The following CSMD3 variants were observed in gnomAD, a reference collection of about 807,000 sequenced individuals.
The protein encoded by CSMD3 is CUB and sushi domain-containing protein 3.
Under a neutral mutation model 435.2 loss-of-function variants are expected in CSMD3, and 177 were observed. The observed-to-expected ratio is 0.41, with a 90% CI of 0.36 to 0.46. The LOEUF (loss-of-function observed/expected upper bound fraction) is 0.46, where lower values mean the gene tolerates loss of function less well. CSMD3 is among the 20% of genes least tolerant of loss of function. The pLI is 0.34. For synonymous variants in CSMD3, 1,656 were observed against 1,520.5 expected (o/e 1.09, Z -2.07); for missense variants, 4,265 against 4,504.6 (o/e 0.95, Z 1.52).
At chr8:113,072,282 C>CT (rs1206548448) in intron 5 of CSMD3, among the ~76,000 whole-genome samples, 24 of 151,310 alleles carry the variant, frequency 1.6e-4, no homozygotes, top group Non-Finnish European at 2.5e-4. Context: ...TAGATGTTTT[C>CT]TTTTTTTTCC....
chr8:112,406,423 A>G, intron 35 of CSMD3, 101 bp downstream of exon 35: 1 of 612,478 alleles, frequency 1.6e-6, no homozygotes, highest in Non-Finnish European at 2.8e-6. Flanking sequence ...TTTAAAATTA[A>G]GTACATAATT....
intron 13 of CSMD3, among the ~76,000 whole-genome samples, chr8:112,696,377 A>C (rs1273412076): frequency 1.3e-5 from 2 of 152,188 alleles, no homozygotes; most frequent in East Asian, 3.9e-4. Context: ...CAAAACAGAC[A>C]CATAGACCAA....
intron 13 of CSMD3, among the ~76,000 whole-genome samples, chr8:112,723,358 C>T (rs1242488940): frequency 6.6e-6 from 1 of 152,134 alleles, no homozygotes; most frequent in Non-Finnish European, 1.5e-5. Context: ...CAGAACATTT[C>T]TCACAAGCAT....
intron 10 of CSMD3, among the ~76,000 whole-genome samples, chr8:112,907,651 G>A (rs2130502492): frequency 1.3e-5 from 2 of 151,338 alleles, no homozygotes; most frequent in South Asian, 4.2e-4. Flanking sequence ...ATGTTGGGAG[G>A]AAATATTAAC....
intron 22 of CSMD3, among the ~76,000 whole-genome samples, chr8:112,623,180 C>T (rs1834213306): frequency 6.6e-6 from 1 of 152,120 alleles, no homozygotes; most frequent in Non-Finnish European, 1.5e-5. Flanking sequence ...TCCACATTGA[C>T]TATACCTACA....
intron 4 of CSMD3, among the ~76,000 whole-genome samples, chr8:113,129,177 T>G (rs1317269649): frequency 6.6e-6 from 1 of 152,168 alleles, no homozygotes; most frequent in African/African-American, 2.4e-5. Context: ...GTTTCCCTTT[T>G]CATATTGTGA....
intron 2 of CSMD3, among the ~76,000 whole-genome samples, chr8:113,299,681 T>C (rs936488204): frequency 1.6e-4 from 25 of 151,602 alleles, no homozygotes; most frequent in Non-Finnish European, 8.8e-5. Context: ...CTTACACCAG[T>C]CAGAATTGCC....
chr8:112,312,073 C>G (rs548236291), intron 49 of CSMD3, among the ~76,000 whole-genome samples: 2 of 152,194 alleles, frequency 1.3e-5, no homozygotes, highest in South Asian at 4.1e-4. Context: ...CTAATACTTA[C>G]AATTGTTTAA....
At chr8:112,276,380 T>C (rs1273947302) in intron 59 of CSMD3, among the ~76,000 whole-genome samples, 1 of 152,100 alleles carries the variant, frequency 6.6e-6, no homozygotes, top group African/African-American at 2.4e-5. Context: ...CTTTCTGGAG[T>C]ATGAAGGACA....
At chr8:112,812,561 T>C (rs2079256256) in intron 12 of CSMD3, among the ~76,000 whole-genome samples, 1 of 152,190 alleles carries the variant, frequency 6.6e-6, no homozygotes, top group Non-Finnish European at 1.5e-5. Context: ...TTTAATAAAC[T>C]CACTTCTGCT....
At chr8:112,570,924 C>T (rs1436787184) in intron 24 of CSMD3, among the ~76,000 whole-genome samples, 3 of 152,136 alleles carry the variant, frequency 2.0e-5, no homozygotes, top group Non-Finnish European at 4.4e-5. Context: ...AGAATGACAG[C>T]TTTATACTCT....
At chr8:113,335,077 A>G (rs1196312972) in intron 1 of CSMD3, among the ~76,000 whole-genome samples, 1 of 152,048 alleles carries the variant, frequency 6.6e-6, no homozygotes, top group African/African-American at 2.4e-5. Flanking sequence ...AGCGATAGTG[A>G]GTGAATTCTC....
chr8:113,046,204 C>G (rs1320198040), intron 5 of CSMD3, among the ~76,000 whole-genome samples: 1 of 148,850 alleles, frequency 6.7e-6, no homozygotes, highest in Non-Finnish European at 1.5e-5. Flanking sequence ...CTGACGCCAA[C>G]CACACGAGGT....
intron 38 of CSMD3, among the ~76,000 whole-genome samples, chr8:112,364,321 G>T (rs1240153944): frequency 6.6e-6 from 1 of 151,916 alleles, no homozygotes; most frequent in Non-Finnish European, 1.5e-5. Context: ...GTGCTCTTAG[G>T]TGTAGGGGAA....
intron 63 of CSMD3, among the ~76,000 whole-genome samples, chr8:112,250,934 T>C (rs1815201309): frequency 6.6e-6 from 1 of 151,758 alleles, no homozygotes; most frequent in Admixed American, 6.6e-5. Context: ...ATTCTCCTAT[T>C]TTAAATGTTA....
chr8:113,108,288 C>T (rs180749817), intron 4 of CSMD3, among the ~76,000 whole-genome samples: 7 of 151,932 alleles, frequency 4.6e-5, no homozygotes, highest in South Asian at 4.2e-4. Flanking sequence ...ATTAGCGGGG[C>T]GTGGTGGCAG....
At chr8:112,838,862 A>T (rs1440427327) in intron 11 of CSMD3, among the ~76,000 whole-genome samples, 1 of 151,754 alleles carries the variant, frequency 6.6e-6, no homozygotes, top group Non-Finnish European at 1.5e-5. Context: ...ATACAAAGGT[A>T]AACTTATATG....
At chr8:112,495,584 C>A (rs1293153172) in intron 30 of CSMD3, among the ~76,000 whole-genome samples, 1 of 152,084 alleles carries the variant, frequency 6.6e-6, no homozygotes, top group African/African-American at 2.4e-5. Flanking sequence ...ATAATACTGT[C>A]TTTATTTATA....
At chr8:113,237,255 TATCGGGGTGGGA>T (rs1261380509) in intron 3 of CSMD3, among the ~76,000 whole-genome samples, 2 of 152,134 alleles carry the variant, frequency 1.3e-5, no homozygotes, top group Non-Finnish European at 2.9e-5. Context: ...AGGACCCTGA[TATCGGGGTGGGA>T]ATCAACTGAT....
Sources: allele counts gnomAD v4.1 joint callset (sites outside exome capture counted in the v4.1 genomes callset), GRCh38; gene constraint gnomAD v4.1.1; transcripts MANE v1.5; gene names NCBI Gene and HGNC (gene_info 2026-07-23, HGNC 2026-07-21).